P4HA3: variants seen among roughly 807,000 people sequenced by gnomAD.
The protein encoded by P4HA3 is prolyl 4-hydroxylase subunit alpha-3.
Under a neutral mutation model 66.7 loss-of-function variants are expected in P4HA3, and 60 were observed. The observed-to-expected ratio is 0.90, with a 90% confidence interval of 0.73 to 1.12. The LOEUF (loss-of-function observed/expected upper bound fraction) is 1.12, where lower values mean the gene tolerates loss of function less well. Among genes scored for constraint, P4HA3 ranks in the 50% most tolerant of loss-of-function variants. The probability of loss-of-function intolerance (pLI) is 0.00; values close to 1 mark genes in which losing one functional copy is unlikely to be tolerated. For synonymous variants in P4HA3, 263 were observed against 274.6 expected, an observed-to-expected ratio of 0.96 and a Z score of 0.42; for missense variants, 683 against 685.8, an observed-to-expected ratio of 1.00 and a Z score of 0.05.
At chr11:74,281,631 A>T (rs962777692) in intron 7 of P4HA3, among the ~76,000 whole-genome samples, 1 of 152,140 alleles carries the variant, frequency 6.6e-6, no homozygotes, top group Non-Finnish European at 1.5e-5. Context: ...AGAACAAAAA[A>T]CCAAACACCA....
At position 74,277,155 on chromosome 11, in the gene P4HA3, C is replaced by T. The variant is rs1335873607; in HGVS notation, c.1176-11G>A. ...TCCTTCAGCCAGGCACTAAAACACA[C>T]CACAGATTGAAGCATCAATGATCTG... On this transcript the variant is annotated splice_polypyrimidine_tract_variant and intron_variant, in intron 8 of 12. Transcript: ENST00000331597. 2 of 1,604,952 alleles carry T rather than the reference C, an allele frequency of 1.2e-6. No individual in the cohort carries two copies. Among genetic ancestry groups the T allele is most frequent in the Admixed American group, 3.4e-5 (2 of 58,760 alleles).
intron 4 of P4HA3, among the ~76,000 whole-genome samples, chr11:74,297,583 C>A (rs1198612303): frequency 6.6e-6 from 1 of 152,136 alleles, no homozygotes; most frequent in African/African-American, 2.4e-5. Context: ...TGTTTATTGG[C>A]AGCTGCTTTA....
intron 5 of P4HA3, among the ~76,000 whole-genome samples, chr11:74,288,649 T>A (rs1318602357): frequency 6.6e-6 from 1 of 152,060 alleles, no homozygotes; most frequent in East Asian, 1.9e-4. Context: ...GATTATGAAA[T>A]TAAGATAATA....
chr11:74,253,455 T>TA (rs3832772), intron 15 of P4HA3: 7 of 1,588,210 alleles, frequency 4.4e-6, no homozygotes, highest in East Asian at 4.5e-5. Context: ...TATTGATAGT[T>TA]ACATTTGTTT....
chr11:74,271,305 T>C (rs1375924794), intron 10 of P4HA3, among the ~76,000 whole-genome samples: 2 of 152,216 alleles, frequency 1.3e-5, no homozygotes, highest in African/African-American at 4.8e-5. Context: ...AATTAGATTA[T>C]TCTATTCTAG....
Position 74,285,993 on chromosome 11 carries a change from G to A in P4HA3, c.934-8C>T. ...GATCTGGTAGAGAGTGGGCTGGAAG[G>A]AAAGAATAGGATGAGCATAAGAGAA... On this transcript the variant is annotated splice_region_variant and splice_polypyrimidine_tract_variant and intron_variant, in intron 6 of 12. Transcript: ENST00000331597. The A allele has an allele frequency of 1.3e-6, 2 of 1,598,320 alleles. No individual in the cohort carries two copies. The highest frequency in any genetic ancestry group is 1.7e-6 in the Non-Finnish European group (2 of 1,165,900).
At chr11:74,291,352 C>T (rs1434672533) in intron 4 of P4HA3, among the ~76,000 whole-genome samples, 8 of 152,242 alleles carry the variant, frequency 5.3e-5, no homozygotes, top group East Asian at 1.9e-4. Flanking sequence ...TAGGCTGAGA[C>T]GATGGGGTTT....
chr11:74,274,069 C>T (rs1277685371), intron 9 of P4HA3, among the ~76,000 whole-genome samples: 1 of 151,890 alleles, frequency 6.6e-6, no homozygotes, highest in African/African-American at 2.4e-5. Flanking sequence ...CCTTGTAAGC[C>T]TACTGTTCAA....
chr11:74,306,950 C>T (rs1861598136), intron 1 of P4HA3, among the ~76,000 whole-genome samples: 1 of 152,126 alleles, frequency 6.6e-6, no homozygotes, highest in South Asian at 2.1e-4. Flanking sequence ...TCTTTACTAC[C>T]CATTGTCTCC....
intron 3 of P4HA3, among the ~76,000 whole-genome samples, chr11:74,300,818 G>A (rs1295160649): frequency 2.0e-5 from 3 of 152,146 alleles, no homozygotes; most frequent in Non-Finnish European, 4.4e-5. Context: ...GGACATAAAA[G>A]GATGTTAATA....
intron 15 of P4HA3, chr11:74,251,978 C>T (rs919474692): frequency 1.1e-5 from 7 of 665,038 alleles, no homozygotes; most frequent in Non-Finnish European, 2.0e-5. Context: ...ATGTGCATTT[C>T]TTCTTGAGGT....
chr11:74,250,502 GCCAAGCTTCTT>G (rs1159737442), intron 15 of P4HA3: 1 of 158,750 alleles, frequency 6.3e-6, no homozygotes. Context: ...TAAGCACCAT[GCCAAGCTTCTT>G]GTATTCCAAG....
chr11:74,259,091 T>C (rs1859868646), intron 15 of P4HA3, among the ~76,000 whole-genome samples: 1 of 152,146 alleles, frequency 6.6e-6, no homozygotes, highest in Admixed American at 6.5e-5. Flanking sequence ...GCATCCTCCC[T>C]GGGACGTCCT....
intron 7 of P4HA3, among the ~76,000 whole-genome samples, chr11:74,281,240 A>T (rs1426967588): frequency 4.6e-5 from 7 of 150,792 alleles, no homozygotes; most frequent in African/African-American, 1.7e-4. Flanking sequence ...GCTGGAGAGG[A>T]TGTGGAGAAA....
chr11:74,306,137 TG>T (rs1683425476), intron 1 of P4HA3, among the ~76,000 whole-genome samples: 1 of 152,064 alleles, frequency 6.6e-6, no homozygotes, highest in African/African-American at 2.4e-5. Flanking sequence ...GAGAATGGAC[TG>T]GGTTCAAGGA....
At chr11:74,293,487 T>C (rs1861106626) in intron 4 of P4HA3, among the ~76,000 whole-genome samples, 1 of 152,248 alleles carries the variant, frequency 6.6e-6, no homozygotes, top group South Asian at 2.1e-4. Context: ...GATCCTGTCA[T>C]TATGACATTA....
At chr11:74,252,402 C>T (rs1859723702) in intron 15 of P4HA3, 1 of 454,274 alleles carries the variant, frequency 2.2e-6, no homozygotes, top group South Asian at 1.6e-5. Context: ...TGGCCTAGAG[C>T]AGGGTTTTCT....
intron 1 of P4HA3, among the ~76,000 whole-genome samples, chr11:74,308,279 G>A (rs1171002594): frequency 2.6e-5 from 4 of 152,088 alleles, no homozygotes; most frequent in East Asian, 1.9e-4. Context: ...TTGGGAGCCC[G>A]AGGAGGGAGG....
intron 15 of P4HA3, chr11:74,251,240 C>T (rs1027872723): frequency 7.2e-7 from 1 of 1,393,924 alleles, no homozygotes; most frequent in South Asian, 1.8e-5. Flanking sequence ...GCTATTTCAT[C>T]CCAGGGCCCT....
Sources: allele counts gnomAD v4.1 joint callset (sites outside exome capture counted in the v4.1 genomes callset), GRCh38; gene constraint gnomAD v4.1.1; transcripts MANE v1.5; gene names NCBI Gene and HGNC (gene_info 2026-07-23, HGNC 2026-07-21).